The following SS18L1 variants were observed in gnomAD, a reference collection of about 807,000 sequenced individuals.
The protein encoded by SS18L1 is SS18L1 subunit of BAF chromatin remodeling complex.
Under a neutral mutation model 70.3 loss-of-function variants are expected in SS18L1, and 32 were observed. That is an observed-to-expected ratio of 0.46 (90% CI 0.34 to 0.61). The LOEUF is 0.61. SS18L1 is among the 20% of genes least tolerant of loss of function. The probability of loss-of-function intolerance (pLI) is 0.01; values close to 1 mark genes in which losing one functional copy is unlikely to be tolerated. For missense variants in SS18L1, 430 were observed against 542.1 expected, an observed-to-expected ratio of 0.79 and a Z score of 2.05; for synonymous variants, 237 against 229.7, an observed-to-expected ratio of 1.03 and a Z score of -0.29.
chr20:62,163,671 C>A, intron 6 of SS18L1, 49 bp downstream of exon 6: 1 of 1,485,806 alleles, frequency 6.7e-7, no homozygotes, highest in South Asian at 1.3e-5. Flanking sequence ...CGCCGCGGGT[C>A]GTGAAGTGCC....
In SS18L1 at chr20:62,179,705, G is replaced by T. The variant is rs1018792318; in HGVS notation, c.*497G>T. 4.6e-6 allele frequency: 1 copy of T among 216,162 alleles called. No individual in the cohort carries two copies. Among genetic ancestry groups the T allele is most frequent in the Non-Finnish European group, 9.1e-6 (1 of 109,768 alleles). 13.4% of individuals were successfully genotyped at this position (216,162 alleles called of 1,614,324 possible). A position where few individuals can be genotyped will look rare whatever the true frequency, so the allele number is the denominator to read the frequency against. Reference sequence around the variant, plus strand: ...AGCCCCTGGAGGGCAGCCTCTTCCTGTGCCTCGATGGGGTGGGTGGGAGGG... The same window carrying T: ...AGCCCCTGGAGGGCAGCCTCTTCCTTTGCCTCGATGGGGTGGGTGGGAGGG... On this transcript the variant is annotated 3_prime_UTR_variant, in exon 11 of 11. Transcript: ENST00000331758.
Position 62,181,149 on chromosome 20 carries a change from G to T in SS18L1, c.*1941G>T, listed in dbSNP as rs914905981. ...CCCTCTCCTAGGAGACGGATGTCAC[G>T]CACAAATGGGGAGAGAAGTGTTTAT... On this transcript the variant is annotated 3_prime_UTR_variant, in exon 11 of 11. Coordinates refer to ENST00000331758, the MANE Select transcript of SS18L1 (RefSeq NM_198935.3). 4 of 193,450 alleles carry T rather than the reference G, an allele frequency of 2.1e-5. No homozygotes were observed. The highest frequency in any genetic ancestry group is 7.0e-5 in the African/African-American group (3 of 43,084). The allele number at this position is 193,450 out of a possible 1,614,324, so 12.0% of individuals were successfully genotyped here. A position where few individuals can be genotyped will look rare whatever the true frequency, so the allele number is the denominator to read the frequency against.
At chr20:62,157,921 C>T (rs973284253) in intron 1 of SS18L1, among the ~76,000 whole-genome samples, 4 of 151,698 alleles carry the variant, frequency 2.6e-5, no homozygotes, top group Admixed American at 2.6e-4. Context: ...CGTCCCTGAC[C>T]CCCCCAGACC....
intron 7 of SS18L1, among the ~76,000 whole-genome samples, chr20:62,164,825 T>C (rs6121931): frequency 0.054 from 8,147 of 152,152 alleles, 696 homozygotes; most frequent in African/African-American, 0.18. Context: ...GCCCAGGAGG[T>C]TGAAGCTGCA....
chr20:62,174,620 G>A lies in SS18L1; in HGVS notation c.1140G>A (p.Gln380=). The change falls in exon 10 of 11, where the codon CAG becomes CAA. Residue 380 remains glutamine, a synonymous_variant. Transcript: ENST00000331758. This position sits in a 1 kb window ranked among gnomAD's most constrained non-coding sequence, Gnocchi z 4.1. The part of the protein sequence containing the change: ...RAPQTAPSAQ[Q]QRPYGYEQGQ... Reference sequence around the variant, plus strand: ...CGCAGACAGCGCCGTCTGCCCAGCAGCAGCGGCCCTACGGCTATGAACAGG... The same window carrying A: ...CGCAGACAGCGCCGTCTGCCCAGCAACAGCGGCCCTACGGCTATGAACAGG... The A allele has an allele frequency of 1.2e-6, 2 of 1,613,716 alleles. No individual in the cohort carries two copies. The highest frequency in any genetic ancestry group is 1.7e-6 in the Non-Finnish European group (2 of 1,180,030).
chr20:62,162,998 G>T, intron 5 of SS18L1, 67 bp downstream of exon 5: 1 of 1,556,152 alleles, frequency 6.4e-7, no homozygotes, highest in Non-Finnish European at 8.7e-7. Flanking sequence ...ACACATGCAC[G>T]TTGGACATGT....
chr20:62,162,333 T>C (rs2057344693), intron 4 of SS18L1, among the ~76,000 whole-genome samples: 1 of 151,970 alleles, frequency 6.6e-6, no homozygotes, highest in African/African-American at 2.4e-5. Flanking sequence ...AGAGTCTCGC[T>C]CTAGTCGGCC....
Position 62,173,314 on chromosome 20 carries a change from G to A in SS18L1, c.1036+513G>A, listed in dbSNP as rs1036850354. 3.3e-5 allele frequency among the ~76,000 whole-genome samples: 5 copies of A among 151,636 alleles called. 1 individual carries two copies. The highest frequency in any genetic ancestry group is 1.2e-4 in the African/African-American group (5 of 41,160). On this transcript the variant is annotated intron_variant, in intron 9 of 10. Transcript: ENST00000331758. The stretch of plus-strand genomic sequence containing the variant: ...GGTCTTTTGTTGGAGCAAGATCTCA[G>A]TTCTCAGGATGAGCTCCACACACGT...
chr20:62,179,267 G>T lies in SS18L1; in HGVS notation c.*59G>T. 9.4e-6 allele frequency: 15 copies of T among 1,588,936 alleles called. No homozygotes were observed. In the South Asian group the frequency reaches 1.7e-4, roughly 18 times the overall value. ...GCGTGTTCATCCAGGGGCCGGATGG[G>T]CTGGCGGCAGCTCTGGTGAATTGTG... On this transcript the variant is annotated 3_prime_UTR_variant, in exon 11 of 11. Transcript: ENST00000331758.
Position 62,174,601 on chromosome 20 carries a change from C to T in SS18L1, c.1121C>T (p.Thr374Ile), listed in dbSNP as rs1195278319. 7.4e-6 allele frequency: 12 copies of T among 1,613,634 alleles called. No individual in the cohort carries two copies. Among genetic ancestry groups the T allele is most frequent in the African/African-American group, 1.3e-5 (1 of 74,924 alleles). ...QQYGSYRAPQTAPSAQQQRPY... is the reference protein window; with the variant it reads ...QQYGSYRAPQIAPSAQQQRPY... Reference sequence around the variant, plus strand: ...TACGGAAGCTACCGAGCACCGCAGACAGCGCCGTCTGCCCAGCAGCAGCGG... The same window carrying T: ...TACGGAAGCTACCGAGCACCGCAGATAGCGCCGTCTGCCCAGCAGCAGCGG... The change falls in exon 10 of 11, where the codon ACA (threonine) becomes ATA (isoleucine). Residue 374 changes from threonine (T) to isoleucine (I), a missense_variant. Transcript: ENST00000331758. This position sits in a 1 kb window ranked among gnomAD's most constrained non-coding sequence, Gnocchi z 4.1.
chr20:62,169,393 C>T (rs2057490242), intron 8 of SS18L1, among the ~76,000 whole-genome samples: 1 of 152,214 alleles, frequency 6.6e-6, no homozygotes, highest in Non-Finnish European at 1.5e-5. Context: ...GGGGTGGAAG[C>T]GGCCACCTTC....
chr20:62,172,538 T>G, intron 8 of SS18L1, 144 bp from the exon 9 acceptor site: 1 of 1,215,568 alleles, frequency 8.2e-7, no homozygotes, highest in Non-Finnish European at 1.2e-6. Context: ...AGTATAGTAT[T>G]TGAATGGTTG....
Position 62,153,819 on chromosome 20 carries a change from G to A in SS18L1, c.70-4853G>A, listed in dbSNP as rs375916617. On this transcript the variant is annotated intron_variant, in intron 1 of 10. Coordinates refer to ENST00000331758, the MANE Select transcript of SS18L1 (RefSeq NM_198935.3). ...TGGGTTGGGTCTTGGGTCTTCTCCT[G>A]GGATTTGCTCCCTTGGTTTGGGGAG... Among the ~76,000 whole-genome samples, 4 of 152,268 alleles carry A rather than the reference G, an allele frequency of 2.6e-5. No individual in the cohort carries two copies. In the South Asian group the frequency reaches 8.3e-4, roughly 32 times the overall value.
intron 1 of SS18L1, among the ~76,000 whole-genome samples, chr20:62,147,101 T>C (rs1476564458): frequency 6.6e-6 from 1 of 152,162 alleles, no homozygotes; most frequent in Non-Finnish European, 1.5e-5. Flanking sequence ...GTGAGGGCTA[T>C]CCCAGAGAAA....
rs770936504 is a variant in SS18L1 at position 62,158,181 on chromosome 20, G to T, written c.70-491G>T. ...ACCCTTGCTGCACAGATGCTCTGCCGTCAAGGGCCCTGGAAGCTGGAGGGT... is the reference window on the plus strand; with the variant it reads ...ACCCTTGCTGCACAGATGCTCTGCCTTCAAGGGCCCTGGAAGCTGGAGGGT... On this transcript the variant is annotated intron_variant, in intron 1 of 10. Transcript: ENST00000331758. The surrounding 1 kb of genome is among the most constrained non-coding windows in gnomAD (Gnocchi z 4.5). Among the ~76,000 whole-genome samples, 1 of 152,028 alleles carries T rather than the reference G, an allele frequency of 6.6e-6. No homozygotes were observed.
At chr20:62,154,932 A>C (rs920582810) in intron 1 of SS18L1, among the ~76,000 whole-genome samples, 1 of 151,926 alleles carries the variant, frequency 6.6e-6, no homozygotes. Flanking sequence ...CCTCAACTTC[A>C]TATCCCGCCC....
rs2057592707 is a variant in SS18L1 at position 62,174,811 on chromosome 20, C to T, written c.1164+167C>T. 2 of 1,517,742 alleles carry T rather than the reference C, an allele frequency of 1.3e-6. No homozygotes were observed. The highest frequency in any genetic ancestry group is 2.0e-5 in the Admixed American group (1 of 50,060). 94.0% of individuals were successfully genotyped at this position (1,517,742 alleles called of 1,614,324 possible). ...CCTGTAAGGTTTTGCAGAATTGCCT[C>T]TGTGTATACGCTCACCTCAGTCATC... On this transcript the variant is annotated intron_variant, in intron 10 of 10. Transcript: ENST00000331758. This position sits in a 1 kb window ranked among gnomAD's most constrained non-coding sequence, Gnocchi z 4.1.
chr20:62,149,849 A>G (rs955005983), intron 1 of SS18L1, among the ~76,000 whole-genome samples: 28 of 152,228 alleles, frequency 1.8e-4, no homozygotes, highest in Non-Finnish European at 1.5e-5. Flanking sequence ...GTCAGAAAGA[A>G]AAAGCAGTGT....
At position 62,164,140 on chromosome 20, in the gene SS18L1, C is replaced by G. The variant is rs1212942809; in HGVS notation, c.722-5C>G. ...GCACTGGCGCTGAATGTGGTTCCCCCGCAGGCTCTTCCCAGCAGTACCTGG... is the reference window on the plus strand; with the variant it reads ...GCACTGGCGCTGAATGTGGTTCCCCGGCAGGCTCTTCCCAGCAGTACCTGG... On this transcript the variant is annotated splice_region_variant and splice_polypyrimidine_tract_variant and intron_variant, in intron 6 of 10. Transcript: ENST00000331758. 2 of 1,548,388 alleles carry G rather than the reference C, an allele frequency of 1.3e-6. No individual in the cohort carries two copies. Among genetic ancestry groups the G allele is most frequent in the Non-Finnish European group, 1.7e-6 (2 of 1,145,596 alleles).
Sources: gnomAD v4.1 joint callset for allele counts (sites outside exome capture counted in the v4.1 genomes callset) on GRCh38, gnomAD v4.1.1 for gene constraint, Gnocchi (gnomAD v3.1) non-coding constraint, MANE v1.5 for transcripts, NCBI Gene and HGNC (gene_info 2026-07-23, HGNC 2026-07-21) for gene names.